The following NOL4 variants were observed in gnomAD, a reference collection of about 807,000 sequenced individuals.
NOL4 encodes cancer/testis antigen 125.
Under a neutral mutation model 75.9 loss-of-function variants are expected in NOL4, and 17 were observed. That is an observed-to-expected ratio of 0.22 (90% CI 0.15 to 0.34). The LOEUF is 0.34. Ranked by LOEUF, NOL4 falls within the 10% of genes least tolerant of loss-of-function variation. NOL4 has a pLI of 1.00. For missense variants in NOL4, 614 were observed against 793.5 expected (o/e 0.77, Z 2.72); for synonymous variants, 292 against 289.9 (o/e 1.01, Z -0.07).
At chr18:33,988,692 G>A (rs138034873) in intron 6 of NOL4, among the ~76,000 whole-genome samples, 270 of 149,864 alleles carry the variant, frequency 1.8e-3, no homozygotes, top group African/African-American at 6.0e-3. Context: ...CTTGTTTCCC[G>A]CCCCCACCCA....
intron 9 of NOL4, among the ~76,000 whole-genome samples, chr18:33,936,547 C>A (rs1214376047): frequency 6.6e-6 from 1 of 151,682 alleles, no homozygotes; most frequent in Non-Finnish European, 1.5e-5. Flanking sequence ...TCAATAGAGT[C>A]AATGGTGTCA....
intron 1 of NOL4, among the ~76,000 whole-genome samples, chr18:34,186,990 C>G (rs2034509220): frequency 6.6e-6 from 1 of 152,178 alleles, no homozygotes; most frequent in African/African-American, 2.4e-5. Flanking sequence ...CATCCTGCAC[C>G]AGAGTGGTAC....
chr18:34,150,652 TA>T (rs2081602383), intron 1 of NOL4, among the ~76,000 whole-genome samples: 1 of 151,546 alleles, frequency 6.6e-6, no homozygotes, highest in Non-Finnish European at 1.5e-5. Context: ...GAAGATAAAA[TA>T]AGAGAAAATC....
intron 1 of NOL4, among the ~76,000 whole-genome samples, chr18:34,216,074 G>A (rs1162461330): frequency 6.6e-6 from 1 of 152,054 alleles, no homozygotes; most frequent in African/African-American, 2.4e-5. Flanking sequence ...GTTGTTCAAG[G>A]ATCAACTGTA....
intron 9 of NOL4, among the ~76,000 whole-genome samples, chr18:33,913,213 C>T (rs1327205527): frequency 6.6e-6 from 1 of 152,088 alleles, no homozygotes; most frequent in African/African-American, 2.4e-5. Flanking sequence ...ATTAACATTG[C>T]ATGTTGTTTA....
At chr18:33,974,659 C>A (rs754568824) in intron 6 of NOL4, among the ~76,000 whole-genome samples, 1 of 151,956 alleles carries the variant, frequency 6.6e-6, no homozygotes, top group Non-Finnish European at 1.5e-5. Context: ...TTGCAAGAAT[C>A]GCCAAAATGC....
chr18:34,090,716 G>T (rs960300138), intron 5 of NOL4, among the ~76,000 whole-genome samples: 2 of 152,066 alleles, frequency 1.3e-5, no homozygotes, highest in Non-Finnish European at 2.9e-5. Flanking sequence ...AGGACTAAGG[G>T]TTGACCAATG....
intron 9 of NOL4, among the ~76,000 whole-genome samples, chr18:33,937,246 C>T (rs1262380254): frequency 6.6e-6 from 1 of 152,096 alleles, no homozygotes; most frequent in Non-Finnish European, 1.5e-5. Context: ...AGGGCTGAGG[C>T]TGCATAATAA....
intron 1 of NOL4, among the ~76,000 whole-genome samples, chr18:34,138,433 T>C (rs1249508079): frequency 1.3e-5 from 2 of 151,944 alleles, no homozygotes; most frequent in South Asian, 2.1e-4. Flanking sequence ...ATGACAGTAG[T>C]TTATTGCTTA....
At chr18:33,970,174 C>T (rs1367567633) in intron 6 of NOL4, among the ~76,000 whole-genome samples, 1 of 152,064 alleles carries the variant, frequency 6.6e-6, no homozygotes. Flanking sequence ...ATAAGTATAG[C>T]CATTATGAGC....
chr18:34,064,583 A>T (rs1000024258), intron 5 of NOL4, among the ~76,000 whole-genome samples: 1 of 152,020 alleles, frequency 6.6e-6, no homozygotes, highest in African/African-American at 2.4e-5. Flanking sequence ...CATGCATTCC[A>T]AGTTATGAAA....
At chr18:33,961,311 T>TTA (rs1405871243) in intron 6 of NOL4, among the ~76,000 whole-genome samples, 2 of 151,762 alleles carry the variant, frequency 1.3e-5, no homozygotes, top group Admixed American at 6.6e-5. Context: ...TCACAGTGTG[T>TTA]GTGTAGGGTG....
chr18:34,062,979 G>C (rs756705225), intron 5 of NOL4, among the ~76,000 whole-genome samples: 7 of 151,962 alleles, frequency 4.6e-5, no homozygotes, highest in Non-Finnish European at 1.0e-4. Context: ...ATAGAATTAC[G>C]GGAGAATTTA....
intron 1 of NOL4, among the ~76,000 whole-genome samples, chr18:34,175,834 A>T (rs1192165374): frequency 6.6e-6 from 1 of 152,152 alleles, no homozygotes; most frequent in Non-Finnish European, 1.5e-5. Context: ...AACTATAAAT[A>T]CAATAAGCAG....
At chr18:34,109,463 G>A (rs980275500) in intron 2 of NOL4, among the ~76,000 whole-genome samples, 5 of 152,160 alleles carry the variant, frequency 3.3e-5, no homozygotes, top group Admixed American at 3.3e-4. Flanking sequence ...AGACTGCGGT[G>A]AGCTATGATC....
At chr18:33,998,010 T>C (rs2073417654) in intron 6 of NOL4, among the ~76,000 whole-genome samples, 1 of 151,930 alleles carries the variant, frequency 6.6e-6, no homozygotes, top group Non-Finnish European at 1.5e-5. Flanking sequence ...TATTCTATGT[T>C]AAAGAAAGCA....
At chr18:33,853,508 A>C (rs1252497223) in intron 10 of NOL4, among the ~76,000 whole-genome samples, 2 of 152,144 alleles carry the variant, frequency 1.3e-5, no homozygotes, top group African/African-American at 4.8e-5. Flanking sequence ...CTTAGCAAAA[A>C]GGAAACTAAG....
intron 4 of NOL4, among the ~76,000 whole-genome samples, chr18:34,094,757 C>T (rs545581311): frequency 6.6e-6 from 1 of 152,274 alleles, no homozygotes; most frequent in African/African-American, 2.4e-5. Context: ...ATTTATGTTG[C>T]ACACGTTGTT....
At chr18:33,883,512 T>C in intron 9 of NOL4, 88 bp from the exon 10 acceptor site, 1 of 957,898 alleles carries the variant, frequency 1.0e-6, no homozygotes, top group Non-Finnish European at 1.4e-6. Flanking sequence ...TCTAAATACC[T>C]GCATTGAATA....
Sources: allele counts gnomAD v4.1 joint callset (sites outside exome capture counted in the v4.1 genomes callset), GRCh38; gene constraint gnomAD v4.1.1; transcripts MANE v1.5; gene names NCBI Gene and HGNC (gene_info 2026-07-23, HGNC 2026-07-21).